DDX43: variants seen among roughly 807,000 people sequenced by gnomAD.
The protein encoded by DDX43 is DEAD-box helicase 43, also known as probable ATP-dependent RNA helicase DDX43.
In DDX43, 50 loss-of-function variants were observed where a neutral mutation model predicts 84.9. The observed-to-expected ratio is 0.59, with a 90% CI of 0.47 to 0.75. The LOEUF (loss-of-function observed/expected upper bound fraction) is 0.75. Ranked by LOEUF, DDX43 falls within the 30% of genes least tolerant of loss-of-function variation. The pLI is 0.00. For missense variants in DDX43, 689 were observed against 798.6 expected, an observed-to-expected ratio of 0.86 and a Z score of 1.65; for synonymous variants, 291 against 266.3, an observed-to-expected ratio of 1.09 and a Z score of -0.90.
intron 10 of DDX43, among the ~76,000 whole-genome samples, chr6:73,410,915 C>G (rs532652235): frequency 1.3e-5 from 2 of 151,608 alleles, no homozygotes; most frequent in Admixed American, 1.3e-4. Flanking sequence ...GGCCAGGCGC[C>G]GTGGCTCACG....
intron 9 of DDX43, 104 bp from the exon 10 acceptor site, chr6:73,409,144 G>T: frequency 1.2e-6 from 1 of 840,380 alleles, no homozygotes. Flanking sequence ...AGTAATAGGG[G>T]AAATGAGAAA....
intron 1 of DDX43, among the ~76,000 whole-genome samples, chr6:73,397,041 A>T (rs1769486754): frequency 6.6e-6 from 1 of 152,198 alleles, no homozygotes; most frequent in African/African-American, 2.4e-5. Flanking sequence ...TATATCTTTG[A>T]GACTCAGCTT....
rs375854936 is a variant in DDX43 at position 73,413,624 on chromosome 6, G to T, written c.1369-34G>T. The T allele has an allele frequency of 5.0e-6, 8 of 1,602,364 alleles. No individual in the cohort carries two copies. In the African/African-American group the frequency reaches 8.1e-5, roughly 16 times the overall value. On this transcript the variant is annotated intron_variant, in intron 11 of 16. Transcript: ENST00000370336. Reference sequence around the variant, plus strand: ...ATGCGGTCTCACCCTCAATCATGATGACCTTGATGAACTATGTTCTTTGAA... The same window carrying T: ...ATGCGGTCTCACCCTCAATCATGATTACCTTGATGAACTATGTTCTTTGAA...
intron 15 of DDX43, 75 bp downstream of exon 15, chr6:73,415,659 C>G (rs1268813554): frequency 1.9e-6 from 2 of 1,063,028 alleles, no homozygotes; most frequent in Non-Finnish European, 2.8e-6. Context: ...CTATGGCTTG[C>G]TATTTATCAG....
intron 10 of DDX43, among the ~76,000 whole-genome samples, chr6:73,411,644 A>G (rs1388625586): frequency 6.6e-6 from 1 of 151,020 alleles, no homozygotes; most frequent in Non-Finnish European, 1.5e-5. Context: ...CTTTTCATAG[A>G]TTAGTATTTA....
chr6:73,410,952 C>T lies in DDX43; in HGVS notation c.1281-1253C>T, dbSNP rs867136655. Among the ~76,000 whole-genome samples, 7 of 151,910 alleles carry T rather than the reference C, an allele frequency of 4.6e-5. No homozygotes were observed. In the South Asian group the frequency reaches 1.5e-3, roughly 32 times the overall value. ...CTGTAATCCCAGCACTTTGGGAGGC[C>T]GAGACGAGCGAATCACGAGGTCAGG... On this transcript the variant is annotated intron_variant, in intron 10 of 16. Transcript: ENST00000370336.
chr6:73,412,635 TATA>T (rs1345984948), intron 11 of DDX43, among the ~76,000 whole-genome samples: 25 of 43,922 alleles, frequency 5.7e-4, no homozygotes, highest in Non-Finnish European at 8.2e-4. Flanking sequence ...GATATATATA[TATA>T]GTGTGTGTGT....
chr6:73,404,706 GA>G lies in DDX43; in HGVS notation c.590del (p.Asn197ThrfsTer15), dbSNP rs753535419. The G allele has an allele frequency of 1.9e-6, 3 of 1,611,572 alleles. No individual in the cohort carries two copies. The African/African-American group carries it at 4.0e-5, about 22-fold the overall frequency. On this transcript the variant is annotated frameshift_variant, in exon 5 of 17. Coordinates refer to ENST00000370336, the MANE Select transcript of DDX43 (RefSeq NM_018665.3). LOFTEE classifies it high-confidence loss of function. ...TKWADLPPIK[K>X]NFYKESTATS... Reference sequence around the variant, plus strand: ...TTGTCCCAGATTTACCACCAATTAAGAAAAACTTTTATAAAGAGTCCACTGC... The same window carrying G: ...TTGTCCCAGATTTACCACCAATTAAGAAAACTTTTATAAAGAGTCCACTGC...
chr6:73,415,984 C>T (rs1769890900), intron 15 of DDX43, 129 bp from the exon 16 acceptor site: 2 of 618,778 alleles, frequency 3.2e-6, no homozygotes, highest in South Asian at 2.1e-5. Flanking sequence ...AGGGTTTAAT[C>T]GAGATACCTG....
At chr6:73,402,021 T>G in intron 4 of DDX43, 31 bp downstream of exon 4, 1 of 1,610,472 alleles carries the variant, frequency 6.2e-7, no homozygotes, top group South Asian at 1.1e-5. Flanking sequence ...TTTACATATA[T>G]TGTTTCTGTT....
chr6:73,401,657 C>T (rs1000544176), intron 3 of DDX43, among the ~76,000 whole-genome samples: 3 of 152,060 alleles, frequency 2.0e-5, no homozygotes, highest in African/African-American at 4.8e-5. Flanking sequence ...CAAAAATTAG[C>T]TGGGCGTTGC....
At chr6:73,404,307 C>T (rs897049382) in intron 4 of DDX43, among the ~76,000 whole-genome samples, 1 of 150,866 alleles carries the variant, frequency 6.6e-6, no homozygotes, top group African/African-American at 2.4e-5. Flanking sequence ...TGGTTAGGCT[C>T]GTCTCAAACT....
In DDX43 at chr6:73,406,518, G is replaced by A. The variant is rs371882292; in HGVS notation, c.926+36G>A. On this transcript the variant is annotated intron_variant, in intron 7 of 16. Coordinates refer to ENST00000370336, the MANE Select transcript of DDX43 (RefSeq NM_018665.3). ...CTATGGCTGGTTTCTTCTTATAGAG[G>A]TTTAATAGATTTAGATATCAAAAAT... 9 of 1,322,284 alleles carry A rather than the reference G, an allele frequency of 6.8e-6. No individual in the cohort carries two copies. The African/African-American group carries it at 1.2e-4, about 17-fold the overall frequency. 81.9% of individuals were successfully genotyped at this position (1,322,284 alleles called of 1,614,324 possible). A position where few individuals can be genotyped will look rare whatever the true frequency, so the allele number is the denominator to read the frequency against.
chr6:73,404,856 TTTG>T, intron 5 of DDX43, 85 bp downstream of exon 5: 1 of 1,047,312 alleles, frequency 9.5e-7, no homozygotes, highest in South Asian at 1.5e-5. Context: ...TGAAATGATA[TTTG>T]AAGGCTACGC....
intron 4 of DDX43, among the ~76,000 whole-genome samples, chr6:73,403,020 A>G (rs1455130254): frequency 6.6e-6 from 1 of 152,240 alleles, no homozygotes; most frequent in South Asian, 2.1e-4. Context: ...AAGCACTAAT[A>G]TGTTACCAAA....
At chr6:73,403,376 A>G (rs111431025) in intron 4 of DDX43, among the ~76,000 whole-genome samples, 3,436 of 152,254 alleles carry the variant, frequency 0.023, 155 homozygotes, top group African/African-American at 0.079. Context: ...AGGCTGAGGC[A>G]GGAGAATCGC....
intron 9 of DDX43, among the ~76,000 whole-genome samples, chr6:73,408,819 G>A (rs760017719): frequency 6.6e-6 from 1 of 152,150 alleles, no homozygotes; most frequent in Admixed American, 6.6e-5. Flanking sequence ...GCCTCCCAAA[G>A]TGCTGGGATG....
chr6:73,412,225 TTCA>T lies in DDX43; in HGVS notation c.1304_1306del (p.His435del). The T allele has an allele frequency of 1.2e-6, 2 of 1,613,752 alleles. No homozygotes were observed. Among genetic ancestry groups the T allele is most frequent in the Non-Finnish European group, 1.7e-6 (2 of 1,179,858 alleles). ...CCCAGTGCTACATGGCCTCATTCAG[TTCA>T]TCGCCTCGCACAATCTTATTTGAAA... On this transcript the variant is annotated inframe_deletion, in exon 11 of 17. Coordinates refer to ENST00000370336, the MANE Select transcript of DDX43 (RefSeq NM_018665.3).
rs1769867919 is a variant in DDX43 at position 73,414,651 on chromosome 6, A to G, written c.1710A>G (p.Glu570=). ...YNFDFPRNIE[E]YVHRIGRTGR... is the part of the protein sequence containing the mutation. ...TTGACTTTCCACGGAATATTGAAGA[A>G]TACGTACACCGAATAGGGCGCACGG... is the stretch of plus-strand genomic sequence containing the variant. The change falls in exon 14 of 17, where the codon GAA becomes GAG. Residue 570 remains glutamate, a synonymous_variant. Coordinates refer to ENST00000370336, the MANE Select transcript of DDX43 (RefSeq NM_018665.3). 2 of 1,614,042 alleles carry G rather than the reference A, an allele frequency of 1.2e-6. No homozygotes were observed. Among genetic ancestry groups the G allele is most frequent in the African/African-American group, 1.3e-5 (1 of 75,024 alleles).
Sources: allele counts gnomAD v4.1 joint callset (sites outside exome capture counted in the v4.1 genomes callset), GRCh38; gene constraint gnomAD v4.1.1; transcripts MANE v1.5; gene names NCBI Gene and HGNC (gene_info 2026-07-23, HGNC 2026-07-21).